Variants in FADS3 observed in about 807,000 individuals in gnomAD.
FADS3 encodes cytochrome b5-related protein.
A neutral mutation model predicts 60.4 loss-of-function variants in FADS3; 30 were observed. The ratio of observed to expected loss-of-function variants is 0.50; its 90% confidence interval spans 0.37 to 0.67. The LOEUF (loss-of-function observed/expected upper bound fraction) is 0.67, where lower values mean the gene tolerates loss of function less well. Among genes scored for constraint, FADS3 ranks in the 30% least tolerant of loss-of-function variants. FADS3 has a pLI of 0.00. For missense variants in FADS3, 432 were observed against 598.3 expected, an observed-to-expected ratio of 0.72 and a Z score of 2.90; for synonymous variants, 234 against 249.3, an observed-to-expected ratio of 0.94 and a Z score of 0.58.
chr11:61,873,737 T>C lies in FADS3; in HGVS notation c.*77A>G, dbSNP rs908786486. 2.7e-5 allele frequency: 27 copies of C among 994,634 alleles called. No individual in the cohort carries two copies. Among genetic ancestry groups the C allele is most frequent in the South Asian group, 4.1e-5 (3 of 73,542 alleles). 61.6% of individuals were successfully genotyped at this position (994,634 alleles called of 1,614,324 possible). ...ACCCCCAGGCTGGCCAGTGGAGGGG[T>C]GAGGGTATCGATCCCGCCGGGGGCT... On this transcript the variant is annotated 3_prime_UTR_variant, in exon 12 of 12. Coordinates refer to ENST00000278829, the MANE Select transcript of FADS3 (RefSeq NM_021727.5).
chr11:61,880,055 C>A lies in FADS3; in HGVS notation c.310G>T (p.Asp104Tyr). ...GELAPEEPSQ[D>Y]GPLNAQLVED... ...CTCTGGCTCACATTCAGGGGTCCAT[C>A]CTGGCTGGGTTCTTCCGGAGCCAGC... Residue 104 changes from aspartate (D) to tyrosine (Y), a missense_variant, in exon 2 of 12, where the codon GAT (aspartate) becomes TAT (tyrosine). By Grantham distance (160) the Asp-to-Tyr change is radical. This residue lies in a region of FADS3 where 167 missense variants were observed against 188.8 expected (regional missense o/e 0.88). Transcript: ENST00000278829. 1 of 1,613,894 alleles carries A rather than the reference C, an allele frequency of 6.2e-7. No homozygotes were observed. The highest frequency in any genetic ancestry group is 8.5e-7 in the Non-Finnish European group (1 of 1,179,812).
intron 2 of FADS3, 34 bp from the exon 3 acceptor site, chr11:61,879,543 GA>G: frequency 6.4e-7 from 1 of 1,556,780 alleles, no homozygotes. Context: ...AGCCAAGGAA[GA>G]AATTCCTCCC....
rs776905980 is a variant in FADS3 at position 61,873,865 on chromosome 11, C to A, written c.1287G>T (p.Arg429Ser). Reference protein sequence around the residue: ...PFLTALVDIVRSLKKSGDIWL... With the variant: ...PFLTALVDIVSSLKKSGDIWL... ...AGATGTCACCAGACTTCTTCAGGGA[C>A]CTGGGAGGTGGGGGTGGCAGTGGGG... Residue 429 changes from arginine to serine, a missense_variant and splice_region_variant, in exon 12 of 12, where the codon AGG becomes AGT. Arg to Ser is a moderately radical substitution (Grantham distance 110). Transcript: ENST00000278829. The A allele has an allele frequency of 1.2e-6, 2 of 1,606,926 alleles. No individual in the cohort carries two copies. The highest frequency in any genetic ancestry group is 1.7e-5 in the Admixed American group (1 of 59,250).
intron 6 of FADS3, 88 bp downstream of exon 6, chr11:61,878,067 G>T: frequency 8.3e-7 from 1 of 1,200,000 alleles, no homozygotes. Flanking sequence ...CCCCGCCCCA[G>T]GAAGTGGCTG....
rs763403507 is a variant in FADS3 at position 61,877,493 on chromosome 11, C to G, written c.885+18G>C. 5.6e-6 allele frequency: 9 copies of G among 1,611,290 alleles called. No individual in the cohort carries two copies. Among genetic ancestry groups the G allele is most frequent in the Non-Finnish European group, 7.6e-6 (9 of 1,179,414 alleles). On this transcript the variant is annotated intron_variant, in intron 7 of 11. Transcript: ENST00000278829. The surrounding 1 kb of genome is among the most constrained non-coding windows in gnomAD (Gnocchi z 4.7). Reference sequence around the variant, plus strand: ...CCACGGCAGCCGTATGCCCGGGGTCCTGGGCAACCCCACTCACCGCCCACT... The same window carrying G: ...CCACGGCAGCCGTATGCCCGGGGTCGTGGGCAACCCCACTCACCGCCCACT...
rs552598884 is a variant in FADS3 at position 61,877,699 on chromosome 11, G to A, written c.809-112C>T. The A allele has an allele frequency of 5.2e-6, 5 of 970,096 alleles. No homozygotes were observed. In the East Asian group the frequency reaches 1.3e-4, roughly 25 times the overall value. 60.1% of individuals were successfully genotyped at this position (970,096 alleles called of 1,614,324 possible). On this transcript the variant is annotated intron_variant, in intron 6 of 11. Coordinates refer to ENST00000278829, the MANE Select transcript of FADS3 (RefSeq NM_021727.5). The surrounding 1 kb of genome is among the most constrained non-coding windows in gnomAD (Gnocchi z 4.7). ...GGAATGCCCCTGGGACGTTGGTGCT[G>A]GTCACATCCAGCTGAATGACCCCAT...
intron 3 of FADS3, 28 bp from the exon 4 acceptor site, chr11:61,878,875 G>C: frequency 6.2e-7 from 1 of 1,606,350 alleles, no homozygotes; most frequent in Non-Finnish European, 8.5e-7. Flanking sequence ...GTCAGAAGCT[G>C]TTGGGAAGGA....
At chr11:61,879,567 C>T (rs897437304) in intron 2 of FADS3, 58 bp from the exon 3 acceptor site, 2 of 1,497,802 alleles carry the variant, frequency 1.3e-6, no homozygotes, top group Non-Finnish European at 1.8e-6. Context: ...CCCCCATTCT[C>T]CTGGAGCCCC....
Position 61,891,352 on chromosome 11 carries a change from C to T in FADS3, c.30G>A (p.Arg10=). The T allele has an allele frequency of 6.7e-7, 1 of 1,496,376 alleles. No homozygotes were observed. The highest frequency in any genetic ancestry group is 8.9e-7 in the Non-Finnish European group (1 of 1,127,424). The allele number at this position is 1,496,376 out of a possible 1,614,324, so 92.7% of individuals were successfully genotyped here. MGGVGEPGP[R]EGPAQPGAPL... The stretch of plus-strand genomic sequence containing the variant: ...GCGCCCCCGGCTGCGCGGGTCCCTC[C>T]CGCGGTCCCGGCTCCCCGACGCCGC... Residue 10 remains arginine (R), a synonymous_variant, in exon 1 of 12, where the codon CGG becomes CGA. Coordinates refer to ENST00000278829, the MANE Select transcript of FADS3 (RefSeq NM_021727.5).
chr11:61,877,985 T>C lies in FADS3; in HGVS notation c.808+170A>G. The C allele has an allele frequency of 3.0e-6, 2 of 667,484 alleles. No homozygotes were observed. Among genetic ancestry groups the C allele is most frequent in the South Asian group, 1.8e-5 (1 of 56,728 alleles). The allele number at this position is 667,484 out of a possible 1,614,324, so 41.3% of individuals were successfully genotyped here. On this transcript the variant is annotated intron_variant, in intron 6 of 11. Coordinates refer to ENST00000278829, the MANE Select transcript of FADS3 (RefSeq NM_021727.5). This position sits in a 1 kb window ranked among gnomAD's most constrained non-coding sequence, Gnocchi z 4.7. The stretch of plus-strand genomic sequence containing the variant: ...ACGGGAGACAGCTGGGGCAAAGGCA[T>C]GCTGCTGGGAGAGTGTGTACAGACT...
chr11:61,891,862 T>G (rs1329219081), upstream of FADS3: 1 of 152,088 alleles, frequency 6.6e-6, no homozygotes, highest in East Asian at 1.9e-4. Flanking sequence ...CACGCACCTG[T>G]TGGGCGTCCC....
chr11:61,874,070 G>T (rs174450), intron 11 of FADS3, among the ~76,000 whole-genome samples: 67,228 of 152,088 alleles, frequency 0.44, 16,279 homozygotes, highest in East Asian at 0.61. Flanking sequence ...CTAGACCGGG[G>T]TGACGGGTGT....
rs562321390 is a variant in FADS3 at position 61,878,551 on chromosome 11, C to T, written c.708G>A (p.Thr236=). ...PNIFHKDPDV[T]VAPVFLLGES... is the part of the protein sequence containing the mutation. Reference sequence around the variant, plus strand: ...CCCCCAGGAGGAAGACGGGCGCCACCGTCACGTCTGGGTCTTTGTGGAAGA... The same window carrying T: ...CCCCCAGGAGGAAGACGGGCGCCACTGTCACGTCTGGGTCTTTGTGGAAGA... Residue 236 remains threonine, a synonymous_variant, in exon 5 of 12, where the codon ACG becomes ACA. Transcript: ENST00000278829. 2.7e-5 allele frequency: 43 copies of T among 1,614,188 alleles called. No individual in the cohort carries two copies. The highest frequency in any genetic ancestry group is 2.6e-4 in the South Asian group (24 of 91,082).
chr11:61,873,734 G>A lies in FADS3; in HGVS notation c.*80C>T. On this transcript the variant is annotated 3_prime_UTR_variant, in exon 12 of 12. Transcript: ENST00000278829. ...GGCACCCCCAGGCTGGCCAGTGGAGGGGTGAGGGTATCGATCCCGCCGGGG... is the reference window on the plus strand; with the variant it reads ...GGCACCCCCAGGCTGGCCAGTGGAGAGGTGAGGGTATCGATCCCGCCGGGG... 2.1e-6 allele frequency: 2 copies of A among 963,312 alleles called. No homozygotes were observed. The highest frequency in any genetic ancestry group is 3.3e-6 in the Non-Finnish European group (2 of 608,682). The allele number at this position is 963,312 out of a possible 1,614,324, so 59.7% of individuals were successfully genotyped here.
In FADS3 at chr11:61,876,849, G is replaced by A. The variant is rs754183063; in HGVS notation, c.983+17C>T. 2.5e-6 allele frequency: 4 copies of A among 1,587,234 alleles called. No individual in the cohort carries two copies. The highest frequency in any genetic ancestry group is 2.3e-5 in the South Asian group (2 of 87,778). Reference sequence around the variant, plus strand: ...TCACCTGTCGCCTGTGTGTGACCTCGCCACTCCCTGCCATACCTGACAGCA... The same window carrying A: ...TCACCTGTCGCCTGTGTGTGACCTCACCACTCCCTGCCATACCTGACAGCA... On this transcript the variant is annotated intron_variant, in intron 8 of 11. Coordinates refer to ENST00000278829, the MANE Select transcript of FADS3 (RefSeq NM_021727.5). This position sits in a 1 kb window ranked among gnomAD's most constrained non-coding sequence, Gnocchi z 5.7.
Position 61,875,386 on chromosome 11 carries a change from T to TTG in FADS3, c.1286+464_1286+465insCA, listed in dbSNP as rs1937832240. Among the ~76,000 whole-genome samples the TTG allele has an allele frequency of 2.7e-4, 2 of 7,524 alleles. 1 individual carries two copies. 4.9% of individuals were successfully genotyped at this position (7,524 alleles called of 152,430 possible). On this transcript the variant is annotated intron_variant, in intron 11 of 11. Transcript: ENST00000278829. ...CACACCCAGCTAATTTTTGTTTTTTTTTTTTTTTTTTTTTTTTTTTTTTTT... is the reference window on the plus strand; with the variant it reads ...CACACCCAGCTAATTTTTGTTTTTTTTGTTTTTTTTTTTTTTTTTTTTTTTTT...
Position 61,875,856 on chromosome 11 carries a change from G to A in FADS3, c.1281C>T (p.Ile427=), listed in dbSNP as rs764511477. 10 of 1,612,372 alleles carry A rather than the reference G, an allele frequency of 6.2e-6. No homozygotes were observed. The highest frequency in any genetic ancestry group is 4.4e-5 in the South Asian group (4 of 91,074). Residue 427 remains isoleucine (I), a synonymous_variant, in exon 11 of 12, where the codon ATC becomes ATT. Transcript: ENST00000278829. ...GGGCCGGGCTGCAGCCTCACCTGAC[G>A]ATGTCCACCAGCGCGGTGAGGAAGG... is the stretch of plus-strand genomic sequence containing the variant. ...VKPFLTALVD[I]VRSLKKSGDI...
Position 61,875,927 on chromosome 11 carries a change from C to T in FADS3, c.1210G>A (p.Val404Ile). ...RHNYSRVAPLVKSLCAKHGLS... is the reference protein window; with the variant it reads ...RHNYSRVAPLIKSLCAKHGLS... The stretch of plus-strand genomic sequence containing the variant: ...CCGTGCTTGGCACACAGCGACTTGA[C>T]CAGCGGGGCCACCCGGCTGTAGTTG... The change falls in exon 11 of 12, where the codon GTC (valine) becomes ATC (isoleucine). Residue 404 changes from valine to isoleucine, a missense_variant. By Grantham distance (29) the Val-to-Ile change is conservative (BLOSUM62 3). Around this residue, in one of 5 missense-constraint regions of FADS3, gnomAD observed 63 missense variants for 64.5 expected, o/e 0.98. Coordinates refer to ENST00000278829, the MANE Select transcript of FADS3 (RefSeq NM_021727.5). 6 of 1,613,842 alleles carry T rather than the reference C, an allele frequency of 3.7e-6. No homozygotes were observed. Among genetic ancestry groups the T allele is most frequent in the Non-Finnish European group, 4.2e-6 (5 of 1,180,036 alleles).
Position 61,878,464 on chromosome 11 carries a change from C to T in FADS3, c.747+48G>A, listed in dbSNP as rs368190921. The T allele has an allele frequency of 5.0e-6, 8 of 1,597,570 alleles. No individual in the cohort carries two copies. The East Asian group carries it at 6.7e-5, about 13-fold the overall frequency. On this transcript the variant is annotated intron_variant, in intron 5 of 11. Coordinates refer to ENST00000278829, the MANE Select transcript of FADS3 (RefSeq NM_021727.5). ...TGGGGACCCAGTGCATTAGCTCCCC[C>T]TCAGCTGCAGGCCCAGCCAGAGGTT...
Sources: gnomAD v4.1 joint callset for allele counts (sites outside exome capture counted in the v4.1 genomes callset) on GRCh38, gnomAD v4.1.1 for gene constraint, gnomAD v4.1.1 regional missense constraint, Gnocchi (gnomAD v3.1) non-coding constraint, MANE v1.5 for transcripts, NCBI Gene and HGNC (gene_info 2026-07-23, HGNC 2026-07-21) for gene names.